A1CF: variants seen among roughly 807,000 people sequenced by gnomAD.
The protein encoded by A1CF is APOBEC-1 stimulating protein.
A1CF carries 48 observed loss-of-function variants against 68.9 expected under a neutral mutation model. The ratio of observed to expected loss-of-function variants is 0.70; its 90% CI spans 0.55 to 0.89. The LOEUF is 0.89. Among genes scored for constraint, A1CF ranks in the 40% least tolerant of loss-of-function variants. A1CF has a pLI of 0.00. For missense variants in A1CF, 653 were observed against 718.9 expected (o/e 0.91, Z 1.05); for synonymous variants, 272 against 260.4 (o/e 1.04, Z -0.43).
intron 8 of A1CF, among the ~76,000 whole-genome samples, chr10:50,818,976 T>G (rs1011141966): frequency 9.9e-5 from 15 of 152,246 alleles, no homozygotes; most frequent in African/African-American, 3.6e-4. Context: ...TTCTAGATTG[T>G]GATTGCATTT....
chr10:50,848,646 G>A (rs558087518), intron 3 of A1CF, among the ~76,000 whole-genome samples: 179 of 152,092 alleles, frequency 1.2e-3, no homozygotes, highest in Middle Eastern at 3.4e-3. Flanking sequence ...GTTTGTAATC[G>A]TCTTTGTGGT....
chr10:50,809,238 A>G (rs4531415), intron 12 of A1CF, among the ~76,000 whole-genome samples: 63,307 of 152,056 alleles, frequency 0.42, 14,884 homozygotes, highest in Admixed American at 0.57. Flanking sequence ...CCAAAATTAT[A>G]GAACAAATAA....
At chr10:50,867,849 G>A (rs1424017645) in intron 1 of A1CF, among the ~76,000 whole-genome samples, 1 of 152,178 alleles carries the variant, frequency 6.6e-6, no homozygotes, top group Non-Finnish European at 1.5e-5. Flanking sequence ...CAACGTGGTA[G>A]ACAATTTAGA....
rs1000355470 is a variant in A1CF at position 50,803,279 on chromosome 10, T to G, written c.*3450A>C. 6.6e-6 allele frequency: 1 copy of G among 151,810 alleles called. No homozygotes were observed. The allele number at this position is 151,810 out of a possible 1,614,324, so 9.4% of individuals were successfully genotyped here. ...AATTAAATTAAATTTGTTTTTTTTT[T>G]TTTTGTAGAGGCGGAGTCTCTCCAT... On this transcript the variant is annotated 3_prime_UTR_variant, in exon 13 of 13. Transcript: ENST00000373997.
intron 6 of A1CF, among the ~76,000 whole-genome samples, chr10:50,834,525 T>C (rs1458645974): frequency 6.6e-6 from 1 of 152,174 alleles, no homozygotes; most frequent in Non-Finnish European, 1.5e-5. Flanking sequence ...AAATAGAAGG[T>C]AGCAAATATG....
chr10:50,801,299 T>G lies in A1CF; in HGVS notation c.*5430A>C, dbSNP rs1045292340. On this transcript the variant is annotated 3_prime_UTR_variant, in exon 13 of 13. Coordinates refer to ENST00000373997, the MANE Select transcript of A1CF (RefSeq NM_014576.4). ...AGTCAGAAAGAAGTAGCTAGGCTCTTTAGTTTAAGCTGTTATCTGCTTTGG... is the reference window on the plus strand; with the variant it reads ...AGTCAGAAAGAAGTAGCTAGGCTCTGTAGTTTAAGCTGTTATCTGCTTTGG... 6.6e-6 allele frequency: 1 copy of G among 152,192 alleles called. No homozygotes were observed. Among genetic ancestry groups the G allele is most frequent in the African/African-American group, 2.4e-5 (1 of 41,450 alleles). The allele number at this position is 152,192 out of a possible 1,614,324, so 9.4% of individuals were successfully genotyped here.
At chr10:50,843,583 T>C (rs1379624856) in intron 4 of A1CF, among the ~76,000 whole-genome samples, 5 of 152,260 alleles carry the variant, frequency 3.3e-5, no homozygotes, top group Admixed American at 2.6e-4. Flanking sequence ...ATGTTGAGCC[T>C]TGTCAAACAT....
chr10:50,868,899 A>G (rs1033688195), intron 1 of A1CF, among the ~76,000 whole-genome samples: 1 of 152,188 alleles, frequency 6.6e-6, no homozygotes, highest in African/African-American at 2.4e-5. Context: ...AAAACCAAAT[A>G]CCATATGTTC....
At chr10:50,879,426 G>A (rs561044569) in intron 1 of A1CF, among the ~76,000 whole-genome samples, 1 of 152,216 alleles carries the variant, frequency 6.6e-6, no homozygotes, top group East Asian at 1.9e-4. Flanking sequence ...TGTTCATGGT[G>A]CCTGTATTAG....
Position 50,841,852 on chromosome 10 carries a change from C to T in A1CF, c.365+10G>A, listed in dbSNP as rs747638282. On this transcript the variant is annotated intron_variant, in intron 5 of 12. Coordinates refer to ENST00000373997, the MANE Select transcript of A1CF (RefSeq NM_014576.4). ...TGTTTCACTTTTAATCTAGAAGAGG[C>T]GGAGCTTACCTAATTTCATAATTAT... The T allele has an allele frequency of 1.6e-5, 26 of 1,611,626 alleles. No individual in the cohort carries two copies. The highest frequency in any genetic ancestry group is 4.0e-5 in the African/African-American group (3 of 74,748).
intron 6 of A1CF, among the ~76,000 whole-genome samples, chr10:50,832,976 T>C (rs570445819): frequency 2.0e-5 from 3 of 152,192 alleles, no homozygotes; most frequent in Non-Finnish European, 4.4e-5. Context: ...TATTCCTATT[T>C]ACATGCCATG....
chr10:50,844,759 A>G (rs191276707), intron 3 of A1CF, among the ~76,000 whole-genome samples: 31 of 152,346 alleles, frequency 2.0e-4, no homozygotes, highest in Non-Finnish European at 2.9e-4. Flanking sequence ...GTATCACTGT[A>G]CCATCCTTAG....
chr10:50,814,187 G>A (rs1838259435), intron 9 of A1CF, 149 bp from the exon 10 acceptor site: 5 of 755,562 alleles, frequency 6.6e-6, no homozygotes, highest in Non-Finnish European at 1.0e-5. Flanking sequence ...GGAGACTCTA[G>A]GATTCTAATG....
intron 3 of A1CF, among the ~76,000 whole-genome samples, chr10:50,847,297 G>A (rs1840045545): frequency 1.3e-5 from 2 of 152,194 alleles, no homozygotes; most frequent in East Asian, 1.9e-4. Context: ...TAGGTGGAAA[G>A]TCTTCACCTA....
At chr10:50,867,689 G>C (rs564807245) in intron 1 of A1CF, among the ~76,000 whole-genome samples, 1 of 152,110 alleles carries the variant, frequency 6.6e-6, no homozygotes, top group Admixed American at 6.5e-5. Flanking sequence ...ACAAACAAAA[G>C]AAATGGTCAT....
chr10:50,850,605 T>A (rs748635638), intron 3 of A1CF: 1 of 1,590,444 alleles, frequency 6.3e-7, no homozygotes, highest in African/African-American at 1.3e-5. Context: ...TGTGTGTGTG[T>A]GTGTTTCTGT....
intron 8 of A1CF, among the ~76,000 whole-genome samples, chr10:50,819,064 T>A (rs1199777623): frequency 1.3e-5 from 2 of 152,212 alleles, no homozygotes; most frequent in Non-Finnish European, 2.9e-5. Context: ...TGGACCCGTC[T>A]TTGAGAGGTC....
intron 1 of A1CF, among the ~76,000 whole-genome samples, chr10:50,885,076 G>C (rs1025709266): frequency 1.3e-5 from 2 of 152,176 alleles, no homozygotes; most frequent in Non-Finnish European, 2.9e-5. Flanking sequence ...GGAATCGCAA[G>C]AGTTGTACCA....
intron 3 of A1CF, among the ~76,000 whole-genome samples, chr10:50,857,620 C>A (rs1840547123): frequency 6.6e-6 from 1 of 152,144 alleles, no homozygotes; most frequent in South Asian, 2.1e-4. Flanking sequence ...GCAGGAGAAA[C>A]CACTTAGACA....
Sources: allele counts gnomAD v4.1 joint callset (sites outside exome capture counted in the v4.1 genomes callset), GRCh38; gene constraint gnomAD v4.1.1; transcripts MANE v1.5; gene names NCBI Gene and HGNC (gene_info 2026-07-23, HGNC 2026-07-21).